Variants in OCA2 observed in about 807,000 individuals in gnomAD.
OCA2 encodes the protein P protein.
In OCA2, 77 loss-of-function variants were observed where a neutral mutation model predicts 100.2. The observed-to-expected ratio is 0.77, with a 90% CI of 0.64 to 0.93. OCA2 has a LOEUF of 0.93. OCA2 is among the 40% of genes least tolerant of loss of function. The pLI is 0.00. For missense variants in OCA2, 1,062 were observed against 1,089.1 expected (o/e 0.98, Z 0.35); for synonymous variants, 432 against 439.2 (o/e 0.98, Z 0.21).
At chr15:27,830,849 G>A (rs2034921196) in intron 23 of OCA2, among the ~76,000 whole-genome samples, 1 of 152,220 alleles carries the variant, frequency 6.6e-6, no homozygotes, top group African/African-American at 2.4e-5. Context: ...GAAGATGTCA[G>A]ATTCAAATGG....
Position 28,016,263 on chromosome 15 carries a change from A to ACC in OCA2, c.808-78_808-77insGG, listed in dbSNP as rs2042390773. On this transcript the variant is annotated intron_variant, in intron 7 of 23. Coordinates refer to ENST00000354638, the MANE Select transcript of OCA2 (RefSeq NM_000275.3). ...TCTGGGATCTGGCACTGCTCGGTCT[A>ACC]GGTATTTGTTTCAAAAAAGAAAAGG... 2.7e-6 allele frequency: 3 copies of ACC among 1,113,868 alleles called. No homozygotes were observed. In the East Asian group the frequency reaches 7.0e-5, roughly 26 times the overall value. The allele number at this position is 1,113,868 out of a possible 1,614,324, so 69.0% of individuals were successfully genotyped here. A position where few individuals can be genotyped will look rare whatever the true frequency, so the allele number is the denominator to read the frequency against.
At chr15:27,794,492 T>C (rs2033238637) in intron 23 of OCA2, among the ~76,000 whole-genome samples, 4 of 152,184 alleles carry the variant, frequency 2.6e-5, no homozygotes, top group Non-Finnish European at 5.9e-5. Context: ...ACTGTAGCCA[T>C]GCATATCTTT....
chr15:27,770,915 CTCCCTCCCTCTT>C (rs2031755472), intron 23 of OCA2, among the ~76,000 whole-genome samples: 1 of 111,390 alleles, frequency 9.0e-6, no homozygotes, highest in Non-Finnish European at 1.8e-5. Context: ...TCCTTCCCTC[CTCCCTCCCTCTT>C]TTCCTTTCTT....
intron 23 of OCA2, among the ~76,000 whole-genome samples, chr15:27,776,996 T>C (rs998314132): frequency 2.7e-5 from 4 of 149,678 alleles, no homozygotes; most frequent in Non-Finnish European, 6.0e-5. Flanking sequence ...GGGGGAGTGT[T>C]GGAGAGCACT....
In OCA2 at chr15:28,000,112, A is replaced by T. The variant is rs1014794157; in HGVS notation, c.1045-9465T>A. On this transcript the variant is annotated intron_variant, in intron 9 of 23. Transcript: ENST00000354638. ...GCATTTTTCATAGAAATAGAAAAAA[A>T]TTCTAATTTATATGGAACCACAGAA... Among the ~76,000 whole-genome samples the T allele has an allele frequency of 3.9e-5, 6 of 152,148 alleles. No homozygotes were observed. In the South Asian group the frequency reaches 1.2e-3, roughly 32 times the overall value.
intron 19 of OCA2, among the ~76,000 whole-genome samples, chr15:27,914,399 A>C (rs1281917786): frequency 1.3e-5 from 2 of 152,188 alleles, no homozygotes; most frequent in Non-Finnish European, 2.9e-5. Flanking sequence ...AGACATCCAA[A>C]TAGGAAGAGA....
At chr15:28,033,584 C>T (rs1038651258) in intron 2 of OCA2, among the ~76,000 whole-genome samples, 1 of 152,144 alleles carries the variant, frequency 6.6e-6, no homozygotes, top group African/African-American at 2.4e-5. Context: ...CTGGGCAGCA[C>T]TGGGCCACTT....
At chr15:27,750,176 A>C (rs977626711), downstream of OCA2, among the ~76,000 whole-genome samples, 1 of 152,146 alleles carries the variant, frequency 6.6e-6, no homozygotes, top group African/African-American at 2.4e-5. Flanking sequence ...TTCATCCCTC[A>C]ATACCCATCA....
intron 2 of OCA2, among the ~76,000 whole-genome samples, chr15:28,040,045 AAAG>A (rs1265104887): frequency 4.6e-5 from 7 of 152,082 alleles, no homozygotes; most frequent in Admixed American, 1.3e-4. Context: ...AAAAAAAAAA[AAAG>A]AAGAGGAAAT....
intron 21 of OCA2, among the ~76,000 whole-genome samples, chr15:27,870,805 A>AG (rs2036530726): frequency 8.7e-6 from 1 of 114,932 alleles, no homozygotes; most frequent in African/African-American, 3.9e-5. Context: ...AGAAAGAAAG[A>AG]AAGAAAGAGA....
intron 19 of OCA2, among the ~76,000 whole-genome samples, chr15:27,891,514 G>C (rs1419171053): frequency 6.6e-6 from 1 of 152,180 alleles, no homozygotes; most frequent in African/African-American, 2.4e-5. Flanking sequence ...CTTATTTAAA[G>C]GGGCATAGTA....
rs113784009 is a variant in OCA2, at chr15:27,884,553, C to T, written c.2080-12631G>A. On this transcript the variant is annotated intron_variant, in intron 19 of 23. Transcript: ENST00000354638. The stretch of plus-strand genomic sequence containing the variant: ...ATGACCCTCATGTTTATATGCCTGG[C>T]AGAAAAGCTAGGTGACCACTCTCGT... Among the ~76,000 whole-genome samples the T allele has an allele frequency of 2.3e-3, 350 of 152,212 alleles. 1 individual carries two copies. Among genetic ancestry groups the T allele is most frequent in the African/African-American group, 8.2e-3 (342 of 41,508 alleles).
At chr15:27,825,872 G>A (rs1174349193) in intron 23 of OCA2, among the ~76,000 whole-genome samples, 8 of 152,222 alleles carry the variant, frequency 5.3e-5, no homozygotes, top group Non-Finnish European at 1.0e-4. Context: ...GAGATAATGA[G>A]GAACCATTTC....
intron 19 of OCA2, among the ~76,000 whole-genome samples, chr15:27,920,075 T>C (rs1179378234): frequency 1.3e-5 from 2 of 151,916 alleles, no homozygotes; most frequent in Middle Eastern, 3.2e-3. Flanking sequence ...AAAAAACAAA[T>C]AGAAAAATGT....
intron 19 of OCA2, among the ~76,000 whole-genome samples, chr15:27,890,388 C>A (rs1300011729): frequency 6.6e-6 from 1 of 152,018 alleles, no homozygotes; most frequent in African/African-American, 2.4e-5. Context: ...CACGATGAAC[C>A]CAAAGAAATC....
At chr15:27,979,868 GTTTTT>G (rs35266057) in intron 14 of OCA2, among the ~76,000 whole-genome samples, 2 of 108,032 alleles carry the variant, frequency 1.9e-5, no homozygotes, top group African/African-American at 3.5e-5. Flanking sequence ...CCCAGCTAGT[GTTTTT>G]TTTTTTTTTT....
At chr15:27,844,245 C>T (rs759550967) in intron 23 of OCA2, among the ~76,000 whole-genome samples, 1 of 152,172 alleles carries the variant, frequency 6.6e-6, no homozygotes, top group Non-Finnish European at 1.5e-5. Context: ...CTGAGAGGTG[C>T]CCACACAAGA....
At chr15:27,968,819 T>G (rs1191978166) in intron 14 of OCA2, among the ~76,000 whole-genome samples, 1 of 152,176 alleles carries the variant, frequency 6.6e-6, no homozygotes. Flanking sequence ...TGGAATGCTT[T>G]GGGTGATCAT....
chr15:27,819,119 C>T lies in OCA2; in HGVS notation c.2432+25840G>A, dbSNP rs143563520. ...TAAAATGAGAATCATTCTGTTTCCT[C>T]AGCTGTTCAATATGGTTAATAATAC... On this transcript the variant is annotated intron_variant, in intron 23 of 23. Coordinates refer to ENST00000354638, the MANE Select transcript of OCA2 (RefSeq NM_000275.3). 2.8e-3 allele frequency among the ~76,000 whole-genome samples: 419 copies of T among 152,306 alleles called. 11 individuals are homozygous for T. The highest frequency in any genetic ancestry group is 0.025 in the Admixed American group (386 of 15,292).
Sources: gnomAD v4.1 joint callset for allele counts (sites outside exome capture counted in the v4.1 genomes callset) on GRCh38, gnomAD v4.1.1 for gene constraint, MANE v1.5 for transcripts, NCBI Gene and HGNC (gene_info 2026-07-23, HGNC 2026-07-21) for gene names.